The following PAM variants were observed in gnomAD, a reference collection of about 807,000 sequenced individuals.
PAM encodes peptidylglycine alpha-amidating monooxygenase, also known as peptidyl-glycine alpha-amidating monooxygenase.
Under a neutral mutation model 122.1 loss-of-function variants are expected in PAM, and 72 were observed. The ratio of observed to expected loss-of-function variants is 0.59; its 90% CI spans 0.49 to 0.72. PAM has a LOEUF of 0.72. Among genes scored for constraint, PAM ranks in the 30% least tolerant of loss-of-function variants. PAM has a pLI of 0.00. For missense variants in PAM, 1,106 were observed against 1,183.7 expected (o/e 0.93, Z 0.96); for synonymous variants, 389 against 404.4 (o/e 0.96, Z 0.46).
At position 102,785,828 on chromosome 5, in the gene PAM, A is replaced by G. The variant is rs116682417; in HGVS notation, c.-374+30480A>G. Reference sequence around the variant, plus strand: ...CTTTGGAAACAAATGGGGAGTAAGGAGTGGTGTTGGAAGTTCTCACCATTG... The same window carrying G: ...CTTTGGAAACAAATGGGGAGTAAGGGGTGGTGTTGGAAGTTCTCACCATTG... On this transcript the variant is annotated intron_variant, in intron 1 of 25. Coordinates refer to ENST00000438793, the MANE Select transcript of PAM (RefSeq NM_001177306.2). Among the ~76,000 whole-genome samples the G allele has an allele frequency of 4.9e-3, 753 of 152,218 alleles. 4 individuals carry two copies. The highest frequency in any genetic ancestry group is 0.017 in the African/African-American group (700 of 41,512).
At chr5:102,756,744 A>G (rs1317307688) in intron 1 of PAM, among the ~76,000 whole-genome samples, 1 of 151,960 alleles carries the variant, frequency 6.6e-6, no homozygotes, top group African/African-American at 2.4e-5. Context: ...AGCCTCGGTG[A>G]CAGAGCAAGA....
At chr5:102,826,230 TG>T (rs1233701035) in intron 1 of PAM, among the ~76,000 whole-genome samples, 2 of 152,176 alleles carry the variant, frequency 1.3e-5, no homozygotes, top group Non-Finnish European at 2.9e-5. Flanking sequence ...CTTGAAAATT[TG>T]TTACTCCATA....
At chr5:103,003,881 C>T (rs1054299266) in intron 17 of PAM, among the ~76,000 whole-genome samples, 1 of 151,592 alleles carries the variant, frequency 6.6e-6, no homozygotes, top group Non-Finnish European at 1.5e-5. Context: ...TTTAGCATTC[C>T]TTATCATGCG....
intron 1 of PAM, among the ~76,000 whole-genome samples, chr5:102,768,498 A>ATTTCC (rs1554055913): frequency 2.3e-4 from 35 of 151,416 alleles, no homozygotes; most frequent in Admixed American, 3.9e-4. Flanking sequence ...TAACCTCTCC[A>ATTTCC]CTTCCCGGTC....
intron 1 of PAM, among the ~76,000 whole-genome samples, chr5:102,766,925 G>GTT (rs1561386850): frequency 2.7e-5 from 1 of 36,568 alleles, no homozygotes; most frequent in Non-Finnish European, 5.2e-5. Flanking sequence ...TTCAGTTGTG[G>GTT]ATTTTTTTTT....
chr5:102,866,610 T>C (rs924010332), intron 2 of PAM: 1 of 320,334 alleles, frequency 3.1e-6, no homozygotes, highest in African/African-American at 2.1e-5. Flanking sequence ...GAATAAAATA[T>C]AAGGATACAT....
Position 102,866,098 on chromosome 5 carries a change from G to A in PAM, c.-98G>A. The A allele has an allele frequency of 1.4e-6, 1 of 713,792 alleles. No individual in the cohort carries two copies. The highest frequency in any genetic ancestry group is 2.3e-6 in the Non-Finnish European group (1 of 430,088). 44.2% of individuals were successfully genotyped at this position (713,792 alleles called of 1,614,324 possible). A position where few individuals can be genotyped will look rare whatever the true frequency, so the allele number is the denominator to read the frequency against. Reference sequence around the variant, plus strand: ...AGGACGCCCGCCGTGCCCGGGCCATGAAGTAGCGGCTGCTGGCGGCGCCGC... The same window carrying A: ...AGGACGCCCGCCGTGCCCGGGCCATAAAGTAGCGGCTGCTGGCGGCGCCGC... On this transcript the variant is annotated 5_prime_UTR_variant, in exon 2 of 26. The change abolishes an upstream ATG in the 5' untranslated region. Transcript: ENST00000438793.
At chr5:102,969,735 A>G (rs1312277053) in intron 14 of PAM, among the ~76,000 whole-genome samples, 1 of 152,200 alleles carries the variant, frequency 6.6e-6, no homozygotes, top group Non-Finnish European at 1.5e-5. Flanking sequence ...TTAAGTTCAA[A>G]TGAGACAGAC....
chr5:102,891,947 T>C (rs1306226326), intron 3 of PAM, among the ~76,000 whole-genome samples: 1 of 151,892 alleles, frequency 6.6e-6, no homozygotes, highest in Non-Finnish European at 1.5e-5. Flanking sequence ...CTTTCTTGCC[T>C]AAGAGAAATT....
intron 1 of PAM, among the ~76,000 whole-genome samples, chr5:102,775,941 A>T (rs1374159022): frequency 1.3e-5 from 2 of 152,144 alleles, no homozygotes; most frequent in Non-Finnish European, 2.9e-5. Context: ...GGTTGAACTA[A>T]TTTACATTCC....
At chr5:103,018,400 T>C (rs908039220) in intron 22 of PAM, among the ~76,000 whole-genome samples, 2 of 152,198 alleles carry the variant, frequency 1.3e-5, no homozygotes. Flanking sequence ...GATATAGGGC[T>C]TGGATCTCAA....
chr5:102,951,338 C>T (rs1169401230), intron 12 of PAM, among the ~76,000 whole-genome samples: 1 of 151,862 alleles, frequency 6.6e-6, no homozygotes. Context: ...AAATACTGAG[C>T]CTCCTTGAAA....
intron 11 of PAM, among the ~76,000 whole-genome samples, chr5:102,950,417 GT>G (rs200509621): frequency 0.014 from 882 of 63,466 alleles, 6 homozygotes; most frequent in African/African-American, 0.066. Context: ...ATGTGGGTGG[GT>G]GTGTGTGTGT....
chr5:102,793,741 A>G (rs1303901429), intron 1 of PAM, among the ~76,000 whole-genome samples: 1 of 152,238 alleles, frequency 6.6e-6, no homozygotes, highest in Non-Finnish European at 1.5e-5. Flanking sequence ...TGAAAATATT[A>G]AATGCTTTAA....
chr5:102,988,589 G>GA (rs1334176240), intron 15 of PAM, among the ~76,000 whole-genome samples: 1 of 118,172 alleles, frequency 8.5e-6, no homozygotes, highest in African/African-American at 3.1e-5. Context: ...AGAAAAAAAA[G>GA]AAGGAAAGGA....
At chr5:102,939,355 C>G (rs1039889967) in intron 7 of PAM, among the ~76,000 whole-genome samples, 1 of 152,108 alleles carries the variant, frequency 6.6e-6, no homozygotes, top group Non-Finnish European at 1.5e-5. Flanking sequence ...TCCTCCCCCA[C>G]ACTTTTCGAG....
intron 1 of PAM, among the ~76,000 whole-genome samples, chr5:102,804,703 C>G (rs919887433): frequency 5.9e-5 from 9 of 152,178 alleles, no homozygotes; most frequent in Non-Finnish European, 1.3e-4. Context: ...GAAGCTCAAC[C>G]TAGATTATGA....
At position 102,990,259 on chromosome 5, in the gene PAM, A is replaced by G. The variant is rs780039604; in HGVS notation, c.1484-13A>G. 10 of 1,533,930 alleles carry G rather than the reference A, an allele frequency of 6.5e-6. No individual in the cohort carries two copies. Among genetic ancestry groups the G allele is most frequent in the Non-Finnish European group, 8.8e-6 (10 of 1,132,780 alleles). ...TTTCCCTTTTACACTAAATGTGTGG[A>G]TATATCTTTTAGATTTCCACATGGA... On this transcript the variant is annotated splice_polypyrimidine_tract_variant and intron_variant, in intron 15 of 25. Transcript: ENST00000438793.
intron 3 of PAM, among the ~76,000 whole-genome samples, chr5:102,898,857 T>C (rs1796903639): frequency 6.6e-6 from 1 of 151,670 alleles, no homozygotes; most frequent in Non-Finnish European, 1.5e-5. Flanking sequence ...TGGTACAAAT[T>C]TCATTTCACC....
Sources: allele counts gnomAD v4.1 joint callset (sites outside exome capture counted in the v4.1 genomes callset), GRCh38; gene constraint gnomAD v4.1.1; transcripts MANE v1.5; gene names NCBI Gene and HGNC (gene_info 2026-07-23, HGNC 2026-07-21).